The following ACSS3 variants were observed in gnomAD, a reference collection of about 807,000 sequenced individuals.
ACSS3 encodes the protein acyl-CoA synthetase short-chain family member 3, mitochondrial.
A neutral mutation model predicts 84.2 loss-of-function variants in ACSS3; 64 were observed. The ratio of observed to expected loss-of-function variants is 0.76; its 90% CI spans 0.62 to 0.94. The LOEUF is 0.94. Among genes scored for constraint, ACSS3 ranks in the 40% least tolerant of loss-of-function variants. The probability of loss-of-function intolerance (pLI) is 0.00; values close to 1 mark genes in which losing one functional copy is unlikely to be tolerated. For synonymous variants in ACSS3, 317 were observed against 310.1 expected, an observed-to-expected ratio of 1.02 and a Z score of -0.23; for missense variants, 815 against 867.6, an observed-to-expected ratio of 0.94 and a Z score of 0.76.
chr12:81,195,345 G>A (rs1386339661), intron 8 of ACSS3, among the ~76,000 whole-genome samples: 1 of 151,630 alleles, frequency 6.6e-6, no homozygotes, highest in African/African-American at 2.4e-5. Context: ...TTTTTACATA[G>A]CATTTAAAGT....
chr12:81,189,173 T>G (rs116498459), intron 8 of ACSS3, among the ~76,000 whole-genome samples: 2 of 152,170 alleles, frequency 1.3e-5, no homozygotes, highest in Non-Finnish European at 2.9e-5. Flanking sequence ...TTGACTCTTA[T>G]GCAGTTGCAG....
At chr12:81,099,882 C>T (rs1882365732) in intron 1 of ACSS3, among the ~76,000 whole-genome samples, 1 of 152,150 alleles carries the variant, frequency 6.6e-6, no homozygotes, top group South Asian at 2.1e-4. Context: ...CTACTAGCCA[C>T]TTCTGGCACC....
intron 2 of ACSS3, among the ~76,000 whole-genome samples, chr12:81,123,954 T>C (rs1383379004): frequency 6.6e-6 from 1 of 152,216 alleles, no homozygotes; most frequent in African/African-American, 2.4e-5. Context: ...ATATTTTTGG[T>C]AGAAAGATTT....
intron 8 of ACSS3, among the ~76,000 whole-genome samples, chr12:81,181,956 A>T (rs796443610): frequency 2.0e-4 from 30 of 152,256 alleles, no homozygotes; most frequent in African/African-American, 7.2e-4. Flanking sequence ...TTCTTTAAGA[A>T]GGGAAGAGAC....
chr12:81,177,649 C>T (rs11114780), intron 8 of ACSS3, among the ~76,000 whole-genome samples: 27,282 of 152,006 alleles, frequency 0.18, 2,773 homozygotes, highest in East Asian at 0.39. Context: ...AAAAAGTGGG[C>T]GAAGGACATG....
At chr12:81,218,216 G>T (rs1390785939) in intron 10 of ACSS3, among the ~76,000 whole-genome samples, 1 of 152,146 alleles carries the variant, frequency 6.6e-6, no homozygotes, top group East Asian at 1.9e-4. Context: ...AAAGTCAGAG[G>T]ACTGACTTGA....
chr12:81,165,910 G>A (rs951156733), intron 7 of ACSS3, among the ~76,000 whole-genome samples: 4 of 152,184 alleles, frequency 2.6e-5, no homozygotes, highest in African/African-American at 9.6e-5. Flanking sequence ...TTGATTGAGT[G>A]TTGAGTGATC....
At chr12:81,133,906 A>G (rs897516398) in intron 2 of ACSS3, among the ~76,000 whole-genome samples, 2 of 152,098 alleles carry the variant, frequency 1.3e-5, no homozygotes, top group African/African-American at 4.8e-5. Context: ...CTACTTATTC[A>G]TTAAGATCTG....
intron 9 of ACSS3, among the ~76,000 whole-genome samples, chr12:81,213,843 C>CTTCTCTTCTCTTCTCTTCTA (rs1565723848): frequency 8.5e-6 from 1 of 118,086 alleles, no homozygotes; most frequent in Non-Finnish European, 1.9e-5. Context: ...CTTCTCTTCT[C>CTTCTCTTCTCTTCTCTTCTA]TCCTCTCCTC....
intron 7 of ACSS3, among the ~76,000 whole-genome samples, chr12:81,157,500 A>G (rs1886934112): frequency 6.6e-6 from 1 of 152,166 alleles, no homozygotes; most frequent in Non-Finnish European, 1.5e-5. Flanking sequence ...TGGAAGTTCT[A>G]GCTCATTTAA....
chr12:81,134,900 G>A lies in ACSS3; in HGVS notation c.541G>A (p.Ala181Thr). Residue 181 changes from alanine to threonine, a missense_variant, in exon 3 of 16, where the codon GCG becomes ACG. Coordinates refer to ENST00000548058, the MANE Select transcript of ACSS3 (RefSeq NM_024560.4). ...VVIYMPMIPQAMYTMLACARI... is the reference protein window; with the variant it reads ...VVIYMPMIPQTMYTMLACARI... ...TATCTACATGCCTATGATCCCACAGGCGATGTATACCATGTTGGCATGTGC... is the reference window on the plus strand; with the variant it reads ...TATCTACATGCCTATGATCCCACAGACGATGTATACCATGTTGGCATGTGC... The A allele has an allele frequency of 6.2e-7, 1 of 1,606,312 alleles. No homozygotes were observed. Among genetic ancestry groups the A allele is most frequent in the Non-Finnish European group, 8.5e-7 (1 of 1,175,860 alleles).
intron 8 of ACSS3, among the ~76,000 whole-genome samples, chr12:81,198,688 A>T (rs1027873805): frequency 2.6e-5 from 4 of 151,486 alleles, no homozygotes; most frequent in Non-Finnish European, 4.4e-5. Context: ...CCATTCTGCG[A>T]TACAGTGCTT....
At chr12:81,139,638 T>TAATAATA (rs67965699) in intron 4 of ACSS3, among the ~76,000 whole-genome samples, 4 of 118,482 alleles carry the variant, frequency 3.4e-5, no homozygotes, top group Non-Finnish European at 7.2e-5. Context: ...TAATAATAAT[T>TAATAATA]ATTGTTATTT....
chr12:81,146,346 A>G (rs1286422954), intron 5 of ACSS3, among the ~76,000 whole-genome samples: 2 of 152,216 alleles, frequency 1.3e-5, no homozygotes, highest in African/African-American at 4.8e-5. Context: ...TATGGGATCC[A>G]CAGAATGTAA....
intron 11 of ACSS3, among the ~76,000 whole-genome samples, chr12:81,226,136 A>G (rs1218392280): frequency 2.0e-5 from 3 of 151,974 alleles, no homozygotes; most frequent in African/African-American, 7.2e-5. Flanking sequence ...GACAATCATG[A>G]GAAAACTCAA....
rs575591192 is a variant in ACSS3 at position 81,220,096 on chromosome 12, C to G, written c.1514+20C>G. 2 of 1,499,464 alleles carry G rather than the reference C, an allele frequency of 1.3e-6. No individual in the cohort carries two copies. Among genetic ancestry groups the G allele is most frequent in the East Asian group, 2.4e-5 (1 of 41,446 alleles). 92.9% of individuals were successfully genotyped at this position (1,499,464 alleles called of 1,614,324 possible). A position where few individuals can be genotyped will look rare whatever the true frequency, so the allele number is the denominator to read the frequency against. On this transcript the variant is annotated intron_variant, in intron 11 of 15. Transcript: ENST00000548058. ...GGTAAAGTAAGCAAAAATTTCAATA[C>G]TACTATATTAAAGGGCAAAAACTGG...
intron 1 of ACSS3, among the ~76,000 whole-genome samples, chr12:81,087,626 G>A (rs1881404724): frequency 6.6e-6 from 1 of 151,930 alleles, no homozygotes. Flanking sequence ...GTCCACTTTT[G>A]CGCTAATCTC....
chr12:81,154,174 C>G (rs1030859548), intron 7 of ACSS3, among the ~76,000 whole-genome samples: 2 of 152,154 alleles, frequency 1.3e-5, no homozygotes, highest in Non-Finnish European at 2.9e-5. Context: ...AACCTCTACA[C>G]TGAATAGTTA....
chr12:81,143,240 T>C lies in ACSS3; in HGVS notation c.914T>C (p.Leu305Ser). 3.8e-6 allele frequency: 6 copies of C among 1,591,730 alleles called. No homozygotes were observed. Among genetic ancestry groups the C allele is most frequent in the Non-Finnish European group, 5.2e-6 (6 of 1,164,844 alleles). ...YILYTSGTTG[L>S]PKGVIRPTGG... is the part of the protein sequence containing the mutation. ...CTTTACACATCTGGCACAACGGGGTTACCTAAGGTACTCACTCTCTTAGAG... is the reference window on the plus strand; with the variant it reads ...CTTTACACATCTGGCACAACGGGGTCACCTAAGGTACTCACTCTCTTAGAG... The change falls in exon 5 of 16, where the codon TTA (leucine) becomes TCA (serine). Residue 305 changes from leucine to serine, a missense_variant. Transcript: ENST00000548058.
Sources: gnomAD v4.1 joint callset for allele counts (sites outside exome capture counted in the v4.1 genomes callset) on GRCh38, gnomAD v4.1.1 for gene constraint, MANE v1.5 for transcripts, NCBI Gene and HGNC (gene_info 2026-07-23, HGNC 2026-07-21) for gene names.